The following CCDC7 variants were observed in gnomAD, a reference collection of about 807,000 sequenced individuals.
CCDC7 encodes the protein coiled-coil domain containing 7, also known as coiled-coil domain-containing protein 7.
A neutral mutation model predicts 196.9 loss-of-function variants in CCDC7; 183 were observed. The ratio of observed to expected loss-of-function variants is 0.93; its 90% CI spans 0.82 to 1.05. The LOEUF is 1.05. Among genes scored for constraint, CCDC7 ranks in the 50% least tolerant of loss-of-function variants. The pLI is 0.00. For missense variants in CCDC7, 1,540 were observed against 1,482.2 expected (o/e 1.04, Z -0.64); for synonymous variants, 525 against 484.6 (o/e 1.08, Z -1.10).
At chr10:32,869,727 G>A (rs1482436757) in intron 41 of CCDC7, among the ~76,000 whole-genome samples, 1 of 151,946 alleles carries the variant, frequency 6.6e-6, no homozygotes, top group Non-Finnish European at 1.5e-5. Context: ...AATCCATCTT[G>A]AATTAATTTT....
chr10:32,707,078 A>C (rs1427529543), intron 24 of CCDC7, among the ~76,000 whole-genome samples: 1 of 152,246 alleles, frequency 6.6e-6, no homozygotes, highest in Non-Finnish European at 1.5e-5. Flanking sequence ...TCAATAAAAT[A>C]CTAGCAAACA....
chr10:32,775,594 C>T (rs1396138155), intron 28 of CCDC7, among the ~76,000 whole-genome samples: 1 of 151,990 alleles, frequency 6.6e-6, no homozygotes, highest in Non-Finnish European at 1.5e-5. Context: ...TTTCCATGGT[C>T]CTAGATCATA....
At chr10:32,591,646 C>T (rs1170926713) in intron 18 of CCDC7, among the ~76,000 whole-genome samples, 1 of 152,094 alleles carries the variant, frequency 6.6e-6, no homozygotes, top group Non-Finnish European at 1.5e-5. Context: ...ACTACATTGC[C>T]ACCAGAGAAT....
At chr10:32,862,408 GC>G (rs906207738) in intron 41 of CCDC7, among the ~76,000 whole-genome samples, 2 of 148,774 alleles carry the variant, frequency 1.3e-5, no homozygotes, top group African/African-American at 5.0e-5. Context: ...ACACACTGGG[GC>G]TTGTCGGGGG....
chr10:32,582,124 A>G (rs2058791590), intron 16 of CCDC7, among the ~76,000 whole-genome samples: 1 of 102,838 alleles, frequency 9.7e-6, no homozygotes, highest in African/African-American at 4.6e-5. Context: ...ATATATATAT[A>G]TATATATATA....
Position 32,714,555 on chromosome 10 carries a change from T to C in CCDC7, c.2569+2825T>C, listed in dbSNP as rs528845536. Reference sequence around the variant, plus strand: ...ATGGAATGCCAGTGAGACAGAACCATTCGCTCCCCTGGAAAGGGGGCTGAA... The same window carrying C: ...ATGGAATGCCAGTGAGACAGAACCACTCGCTCCCCTGGAAAGGGGGCTGAA... On this transcript the variant is annotated intron_variant, in intron 25 of 41. Transcript: ENST00000639629. Among the ~76,000 whole-genome samples, 14 of 152,188 alleles carry C rather than the reference T, an allele frequency of 9.2e-5. No homozygotes were observed. The South Asian group carries it at 2.9e-3, about 32-fold the overall frequency.
At position 32,733,486 on chromosome 10, in the gene CCDC7, A is replaced by G. The variant is rs180915640; in HGVS notation, c.2905+4029A>G. On this transcript the variant is annotated intron_variant, in intron 28 of 41. Transcript: ENST00000639629. The stretch of plus-strand genomic sequence containing the variant: ...CAGCTAAGATATTTGGAGCTATCAA[A>G]ATGGAAACACTAAGTAGTATGATAA... Among the ~76,000 whole-genome samples, 627 of 152,262 alleles carry G rather than the reference A, an allele frequency of 4.1e-3. 4 individuals carry two copies. Among genetic ancestry groups the G allele is most frequent in the African/African-American group, 0.014 (579 of 41,580 alleles).
At chr10:32,505,136 C>A (rs1278997761) in intron 9 of CCDC7, among the ~76,000 whole-genome samples, 1 of 147,342 alleles carries the variant, frequency 6.8e-6, no homozygotes, top group Non-Finnish European at 1.5e-5. Context: ...GATGGATTGA[C>A]CCCTTTATAA....
chr10:32,623,680 T>C, intron 18 of CCDC7: 1 of 464,710 alleles, frequency 2.2e-6, no homozygotes, highest in Non-Finnish European at 4.4e-6. Flanking sequence ...GGGTTATTTA[T>C]AAGGAAAAGA....
chr10:32,803,058 A>T (rs2135095442), intron 29 of CCDC7, among the ~76,000 whole-genome samples: 1 of 152,310 alleles, frequency 6.6e-6, no homozygotes, highest in Admixed American at 6.5e-5. Flanking sequence ...GTTTTATTTC[A>T]TCATAATTTG....
At chr10:32,576,696 A>G (rs2058234462) in intron 16 of CCDC7, among the ~76,000 whole-genome samples, 1 of 151,866 alleles carries the variant, frequency 6.6e-6, no homozygotes, top group African/African-American at 2.4e-5. Context: ...GACCACAGGC[A>G]TGCATCACCA....
At chr10:32,716,877 GGAGCA>G (rs2081669832) in intron 25 of CCDC7, among the ~76,000 whole-genome samples, 2 of 152,102 alleles carry the variant, frequency 1.3e-5, no homozygotes, top group Admixed American at 6.5e-5. Context: ...TCCCAATACA[GGAGCA>G]CCCAGATTCA....
At chr10:32,703,641 T>G (rs1368446020) in intron 24 of CCDC7, among the ~76,000 whole-genome samples, 1 of 152,124 alleles carries the variant, frequency 6.6e-6, no homozygotes, top group East Asian at 1.9e-4. Flanking sequence ...CCCCTTCACT[T>G]TAAGGTACAC....
At chr10:32,823,177 C>G (rs181441858) in intron 31 of CCDC7, among the ~76,000 whole-genome samples, 2,115 of 151,086 alleles carry the variant, frequency 0.014, 24 homozygotes, top group Non-Finnish European at 0.023. Context: ...GTGTCTTGCT[C>G]TGTTGCCCAG....
rs986969688 is a variant in CCDC7, at chr10:32,727,932, C to A, written c.2669-955C>A. ...TACTCTTGATTGTAGAACCAAAGGA[C>A]AACCAGCGTTGTGATTCATAGGGCT... On this transcript the variant is annotated intron_variant, in intron 26 of 41. Coordinates refer to ENST00000639629, the Ensembl canonical transcript of CCDC7. 2.6e-5 allele frequency among the ~76,000 whole-genome samples: 4 copies of A among 152,228 alleles called. 1 individual carries two copies. The South Asian group carries it at 8.3e-4, about 32-fold the overall frequency.
intron 23 of CCDC7, among the ~76,000 whole-genome samples, chr10:32,691,266 A>G (rs1035737261): frequency 6.6e-6 from 1 of 152,134 alleles, no homozygotes; most frequent in African/African-American, 2.4e-5. Flanking sequence ...CGCATTCTGG[A>G]TTTAGTAGGG....
intron 19 of CCDC7, 141 bp from the exon 21 acceptor site, chr10:32,634,916 G>A (rs750282282): frequency 5.1e-6 from 2 of 390,092 alleles, no homozygotes; most frequent in East Asian, 3.7e-5. Context: ...TTTCTGCTTC[G>A]CATCCACGGT....
intron 25 of CCDC7, among the ~76,000 whole-genome samples, chr10:32,716,160 C>T (rs1325598493): frequency 3.3e-5 from 5 of 152,208 alleles, no homozygotes; most frequent in Admixed American, 2.6e-4. Flanking sequence ...AGAGAAAGGT[C>T]AGGTTACCCA....
chr10:32,579,276 G>A (rs534099805), intron 16 of CCDC7, among the ~76,000 whole-genome samples: 2 of 151,824 alleles, frequency 1.3e-5, no homozygotes, highest in South Asian at 2.1e-4. Context: ...ATTGCATAGT[G>A]CATTGATTAC....
Sources: allele counts gnomAD v4.1 joint callset (sites outside exome capture counted in the v4.1 genomes callset), GRCh38; gene constraint gnomAD v4.1.1; transcripts MANE v1.5; gene names NCBI Gene and HGNC (gene_info 2026-07-23, HGNC 2026-07-21).